Variants in ZXDC observed in about 807,000 individuals in gnomAD.
ZXDC encodes the protein ZXD family zinc finger C.
In ZXDC, 58 loss-of-function variants were observed where a neutral mutation model predicts 63.6. That is an observed-to-expected ratio of 0.91 (90% CI 0.74 to 1.13). The LOEUF is 1.13. Ranked by LOEUF, ZXDC falls within the 50% of genes most tolerant of loss-of-function variation. The probability of loss-of-function intolerance (pLI) is 0.00; values close to 1 mark genes in which losing one functional copy is unlikely to be tolerated. For missense variants in ZXDC, 1,133 were observed against 1,148.9 expected (o/e 0.99, Z 0.20); for synonymous variants, 561 against 496.1 (o/e 1.13, Z -1.74).
intron 6 of ZXDC, chr3:126,460,187 G>T: frequency 1.0e-6 from 1 of 962,400 alleles, no homozygotes; most frequent in Non-Finnish European, 1.2e-6. Context: ...GGTGGCAGGG[G>T]CTATACTTTG....
chr3:126,475,451 G>T lies in ZXDC; in HGVS notation c.415C>A (p.Arg139Ser). ...VTISSQDLLVRLDRGVLALSA... is the reference protein window; with the variant it reads ...VTISSQDLLVSLDRGVLALSA... ...AGCGCGAGGACGCCGCGGTCGAGAC[G>T]CACCAGCAGGTCCTGGCTGCTGATG... is the stretch of plus-strand genomic sequence containing the variant. The change falls in exon 1 of 10, where the codon CGT becomes AGT. Residue 139 changes from arginine (R) to serine (S), a missense_variant. Arg to Ser is a moderately radical substitution (Grantham distance 110). Coordinates refer to ENST00000389709, the MANE Select transcript of ZXDC (RefSeq NM_025112.5). 1 of 1,197,118 alleles carries T rather than the reference G, an allele frequency of 8.4e-7. No individual in the cohort carries two copies. The highest frequency in any genetic ancestry group is 1.0e-6 in the Non-Finnish European group (1 of 967,930). The allele number at this position is 1,197,118 out of a possible 1,614,324, so 74.2% of individuals were successfully genotyped here.
Position 126,452,608 on chromosome 3 carries a change from A to C in ZXDC, c.2212+7045T>G, listed in dbSNP as rs1047677351. On this transcript the variant is annotated intron_variant, in intron 7 of 9. Transcript: ENST00000389709. The stretch of plus-strand genomic sequence containing the variant: ...GCAATTAACAGATTTCGTAACATTA[A>C]ATCATTCTCAAGCTATCTGATTAAG... The C allele has an allele frequency of 5.2e-6, 5 of 968,898 alleles. No homozygotes were observed. The African/African-American group carries it at 7.0e-5, about 14-fold the overall frequency. The allele number at this position is 968,898 out of a possible 1,614,324, so 60.0% of individuals were successfully genotyped here. A position where few individuals can be genotyped will look rare whatever the true frequency, so the allele number is the denominator to read the frequency against.
At chr3:126,445,510 A>G (rs1325845620) in intron 7 of ZXDC, among the ~76,000 whole-genome samples, 4 of 151,902 alleles carry the variant, frequency 2.6e-5, no homozygotes, top group Admixed American at 2.6e-4. Context: ...GTGCTCTGGA[A>G]GGATATCCTG....
chr3:126,466,220 T>C lies in ZXDC; in HGVS notation c.1376A>G (p.Asn459Ser), dbSNP rs1258028383. 11 of 1,614,112 alleles carry C rather than the reference T, an allele frequency of 6.8e-6. No homozygotes were observed. The highest frequency in any genetic ancestry group is 4.0e-5 in the African/African-American group (3 of 74,916). The change falls in exon 5 of 10, where the codon AAC (asparagine) becomes AGC (serine). Residue 459 changes from asparagine to serine, a missense_variant. Coordinates refer to ENST00000389709, the MANE Select transcript of ZXDC (RefSeq NM_025112.5). ...PKSRCPVSTC[N>S]RLFTSKHSMK... is the part of the protein sequence containing the mutation. Reference sequence around the variant, plus strand: ...GCTGTGCTTGGAGGTGAAGAGTCTGTTGCAGGTAGAAACTGGGCAACGGCT... The same window carrying C: ...GCTGTGCTTGGAGGTGAAGAGTCTGCTGCAGGTAGAAACTGGGCAACGGCT...
At chr3:126,464,582 A>C (rs1259344045) in intron 5 of ZXDC, among the ~76,000 whole-genome samples, 5 of 152,150 alleles carry the variant, frequency 3.3e-5, no homozygotes, top group Non-Finnish European at 7.3e-5. Context: ...ATAGGTTGCT[A>C]CAGAAGAGGG....
chr3:126,443,732 T>TCACC (rs987231441), intron 7 of ZXDC, among the ~76,000 whole-genome samples: 3 of 152,244 alleles, frequency 2.0e-5, no homozygotes, highest in Admixed American at 2.0e-4. Context: ...AAGTCTTTTA[T>TCACC]CACCCTAGCA....
intron 7 of ZXDC, among the ~76,000 whole-genome samples, chr3:126,456,583 C>G (rs1322377308): frequency 6.6e-6 from 1 of 152,242 alleles, no homozygotes; most frequent in Non-Finnish European, 1.5e-5. Context: ...CTCATGGGCC[C>G]TGCCTTGCCT....
chr3:126,439,442 G>A (rs1028017629), intron 9 of ZXDC, among the ~76,000 whole-genome samples, 190 bp downstream of exon 9: 4 of 152,144 alleles, frequency 2.6e-5, no homozygotes, highest in Non-Finnish European at 4.4e-5. Context: ...GAGCTGCAGC[G>A]TCCTGCAGAT....
intron 7 of ZXDC, chr3:126,442,627 T>G (rs1933725977): frequency 6.6e-6 from 1 of 152,146 alleles, no homozygotes; most frequent in African/African-American, 2.4e-5. Context: ...CTCAGCATTA[T>G]CTACCTGTAA....
Position 126,475,369 on chromosome 3 carries a change from T to G in ZXDC, c.497A>C (p.Gln166Pro). The change falls in exon 1 of 10, where the codon CAG (glutamine) becomes CCG (proline). Residue 166 changes from glutamine (Q) to proline (P), a missense_variant. Gln to Pro is a moderately conservative substitution (Grantham distance 76, BLOSUM62 -1). Coordinates refer to ENST00000389709, the MANE Select transcript of ZXDC (RefSeq NM_025112.5). ...AGAAAPRRAPQASGPSTPGYR... is the reference protein window; with the variant it reads ...AGAAAPRRAPPASGPSTPGYR... ...GCCGGGCGTGCTGGGGCCGGAGGCC[T>G]GGGGCGCGCGGCGGGGAGCGGCGGC... 7.9e-7 allele frequency: 1 copy of G among 1,269,778 alleles called. No individual in the cohort carries two copies. The highest frequency in any genetic ancestry group is 9.9e-7 in the Non-Finnish European group (1 of 1,006,464). The allele number at this position is 1,269,778 out of a possible 1,614,324, so 78.7% of individuals were successfully genotyped here.
chr3:126,439,726 T>C lies in ZXDC; in HGVS notation c.2396A>G (p.Asp799Gly). 6.4e-7 allele frequency: 1 copy of C among 1,550,552 alleles called. No homozygotes were observed. The highest frequency in any genetic ancestry group is 8.7e-7 in the Non-Finnish European group (1 of 1,146,778). The change falls in exon 9 of 10, where the codon GAT (aspartate) becomes GGT (glycine). Residue 799 changes from aspartate to glycine, a missense_variant and splice_region_variant. Asp to Gly is a moderately conservative substitution (Grantham distance 94). Transcript: ENST00000389709. ...AQGVQVQLVQDDPSGEGVLPS... is the reference protein window; with the variant it reads ...AQGVQVQLVQGDPSGEGVLPS... ...CAGGACACCTTCGCCGGAGGGGTCATCCTGGGAAGGCAACACAGAAAGGCC... is the reference window on the plus strand; with the variant it reads ...CAGGACACCTTCGCCGGAGGGGTCACCCTGGGAAGGCAACACAGAAAGGCC...
chr3:126,444,028 T>C (rs1408008507), intron 7 of ZXDC, among the ~76,000 whole-genome samples: 1 of 152,210 alleles, frequency 6.6e-6, no homozygotes, highest in Non-Finnish European at 1.5e-5. Flanking sequence ...TTCTTGTCAA[T>C]TAAAAACTTT....
At chr3:126,467,460 C>T (rs1934817842) in intron 4 of ZXDC, among the ~76,000 whole-genome samples, 2 of 152,148 alleles carry the variant, frequency 1.3e-5, no homozygotes, top group South Asian at 2.1e-4. Flanking sequence ...GTGCGAGCAA[C>T]GACGCACTCG....
In ZXDC at chr3:126,444,497, A is replaced by G. The variant is rs74896162; in HGVS notation, c.2213-2551T>C. On this transcript the variant is annotated intron_variant, in intron 7 of 9. Coordinates refer to ENST00000389709, the MANE Select transcript of ZXDC (RefSeq NM_025112.5). ...CAGTGAGCCGAGATCATGCCACTGCACTCCAGCCTGGGTGACAGAGCGAGA... is the reference window on the plus strand; with the variant it reads ...CAGTGAGCCGAGATCATGCCACTGCGCTCCAGCCTGGGTGACAGAGCGAGA... Among the ~76,000 whole-genome samples, 1,145 of 152,028 alleles carry G rather than the reference A, an allele frequency of 7.5e-3. 4 individuals are homozygous for G. The highest frequency in any genetic ancestry group is 0.014 in the Middle Eastern group (4 of 294).
chr3:126,449,022 G>C (rs149769697), intron 7 of ZXDC, among the ~76,000 whole-genome samples: 1 of 152,310 alleles, frequency 6.6e-6, no homozygotes, highest in East Asian at 1.9e-4. Context: ...ACATAGCACA[G>C]GGTATGGCAT....
At chr3:126,468,472 T>C (rs1165821008) in intron 4 of ZXDC, among the ~76,000 whole-genome samples, 2 of 152,108 alleles carry the variant, frequency 1.3e-5, no homozygotes, top group African/African-American at 4.8e-5. Context: ...TCTGGGCTCC[T>C]CCCACCAGCT....
Position 126,475,649 on chromosome 3 carries a change from C to G in ZXDC, c.217G>C (p.Asp73His), listed in dbSNP as rs1187011762. The G allele has an allele frequency of 6.8e-7, 1 of 1,462,440 alleles. No homozygotes were observed. The highest frequency in any genetic ancestry group is 9.0e-7 in the Non-Finnish European group (1 of 1,105,092). The allele number at this position is 1,462,440 out of a possible 1,614,324, so 90.6% of individuals were successfully genotyped here. A position where few individuals can be genotyped will look rare whatever the true frequency, so the allele number is the denominator to read the frequency against. ...ACTTCCAGCAGCACCAAGAAAGAGT[C>G]GCCGTCGCTGTCGTCCTCGGCGGGC... Reference protein sequence around the residue: ...PPPAEDDSDGDSFLVLLEVPH... With the variant: ...PPPAEDDSDGHSFLVLLEVPH... The change falls in exon 1 of 10, where the codon GAC becomes CAC. Residue 73 changes from aspartate (D) to histidine (H), a missense_variant. Coordinates refer to ENST00000389709, the MANE Select transcript of ZXDC (RefSeq NM_025112.5).
At chr3:126,459,425 T>C (rs757573983) in intron 7 of ZXDC, 45 of 985,340 alleles carry the variant, frequency 4.6e-5, no homozygotes, top group Non-Finnish European at 5.4e-5. Flanking sequence ...CGCTTAACTT[T>C]CACAAAGCTT....
chr3:126,470,763 AACATAATGCTGCAACTTATATTGAG>A, intron 4 of ZXDC, 107 bp downstream of exon 4: 2 of 1,309,270 alleles, frequency 1.5e-6, no homozygotes, highest in South Asian at 1.4e-5. Context: ...GAGGTAAGTA[AACATAATGCTGCAACTTATATTGAG>A]TCAGTCTTTA....
Sources: gnomAD v4.1 joint callset for allele counts (sites outside exome capture counted in the v4.1 genomes callset) on GRCh38, gnomAD v4.1.1 for gene constraint, MANE v1.5 for transcripts, NCBI Gene and HGNC (gene_info 2026-07-23, HGNC 2026-07-21) for gene names.